MCMBP: variants seen among roughly 807,000 people sequenced by gnomAD.
The protein encoded by MCMBP is mini-chromosome maintenance complex-binding protein.
MCMBP carries 31 observed loss-of-function variants against 81.3 expected under a neutral mutation model. The ratio of observed to expected loss-of-function variants is 0.38; its 90% CI spans 0.29 to 0.51. The LOEUF (loss-of-function observed/expected upper bound fraction) is 0.51. MCMBP is among the 20% of genes least tolerant of loss of function. The pLI is 0.87. For missense variants in MCMBP, 645 were observed against 772.1 expected (o/e 0.84, Z 1.95); for synonymous variants, 267 against 275.9 (o/e 0.97, Z 0.32).
At chr10:119,859,271 C>T (rs1347079432) in intron 2 of MCMBP, 90 bp from the exon 3 acceptor site, 21 of 1,022,366 alleles carry the variant, frequency 2.1e-5, no homozygotes, top group East Asian at 1.0e-4. Context: ...CAGACTCAAA[C>T]TGTTACACAC....
chr10:119,872,381 T>C (rs373181637), intron 1 of MCMBP, 146 bp downstream of exon 1: 140 of 319,670 alleles, frequency 4.4e-4, no homozygotes, highest in African/African-American at 3.0e-3. Flanking sequence ...CTGTCCCAGC[T>C]GGGGCCGGTG....
rs2134328032 is a variant in MCMBP, at chr10:119,831,398, GT to G, written c.*75del. On this transcript the variant is annotated 3_prime_UTR_variant, in exon 16 of 16. Transcript: ENST00000369077. Reference sequence around the variant, plus strand: ...TGATAGAAATTACCTATAAAACAATGTGGTATAAATGAATATCTGAATTTTA... The same window carrying G: ...TGATAGAAATTACCTATAAAACAATGGGTATAAATGAATATCTGAATTTTA... 4 of 1,544,510 alleles carry G rather than the reference GT, an allele frequency of 2.6e-6. No individual in the cohort carries two copies. In the South Asian group the frequency reaches 4.7e-5, roughly 18 times the overall value.
chr10:119,871,195 G>A (rs1853657852), intron 1 of MCMBP, among the ~76,000 whole-genome samples: 1 of 152,128 alleles, frequency 6.6e-6, no homozygotes, highest in African/African-American at 2.4e-5. Flanking sequence ...TTAAACCAAT[G>A]CTACAATTGA....
chr10:119,858,521 T>C (rs1853132141), intron 4 of MCMBP, among the ~76,000 whole-genome samples: 1 of 149,426 alleles, frequency 6.7e-6, no homozygotes, highest in South Asian at 2.2e-4. Context: ...AATTTCTGTA[T>C]TATAGGCTGA....
intron 3 of MCMBP, 57 bp from the exon 4 acceptor site, chr10:119,858,982 C>T: frequency 6.2e-7 from 1 of 1,610,090 alleles, no homozygotes; most frequent in Non-Finnish European, 8.5e-7. Flanking sequence ...ACCAAAACTA[C>T]CACCAACAGT....
chr10:119,843,519 A>T, intron 8 of MCMBP, 93 bp from the exon 9 acceptor site: 1 of 1,241,632 alleles, frequency 8.1e-7, no homozygotes, highest in East Asian at 2.6e-5. Context: ...TTAGAGTTAA[A>T]GCCAAGAATA....
chr10:119,843,787 G>A (rs1449364213), intron 8 of MCMBP, among the ~76,000 whole-genome samples: 1 of 151,986 alleles, frequency 6.6e-6, no homozygotes, highest in Admixed American at 6.6e-5. Context: ...TCAGCCTCCT[G>A]AGTAGCTGAG....
chr10:119,843,160 G>T, intron 9 of MCMBP, 94 bp downstream of exon 9: 1 of 1,355,782 alleles, frequency 7.4e-7, no homozygotes, highest in Non-Finnish European at 1.1e-6. Context: ...ATGAAGACCT[G>T]ACTCTCAATT....
At chr10:119,853,839 C>T (rs1414477176) in intron 5 of MCMBP, among the ~76,000 whole-genome samples, 1 of 152,076 alleles carries the variant, frequency 6.6e-6, no homozygotes, top group Non-Finnish European at 1.5e-5. Flanking sequence ...TTGGGTAAGA[C>T]CCAGAAATAG....
chr10:119,832,615 C>T (rs775953219), intron 14 of MCMBP, among the ~76,000 whole-genome samples: 12 of 152,106 alleles, frequency 7.9e-5, no homozygotes, highest in Admixed American at 1.3e-4. Context: ...TGGCAGCCAC[C>T]GGAGAGAGAA....
chr10:119,839,300 C>G (rs536873006), intron 11 of MCMBP, among the ~76,000 whole-genome samples: 8 of 152,296 alleles, frequency 5.3e-5, no homozygotes, highest in African/African-American at 1.9e-4. Flanking sequence ...TCTTGAGCCA[C>G]CATTCCCAAC....
At chr10:119,872,497 CCCGG>C (rs1157651733) in intron 1 of MCMBP, 26 bp downstream of exon 1, 3 of 1,174,502 alleles carry the variant, frequency 2.6e-6, no homozygotes, top group African/African-American at 1.6e-5. Context: ...CGGCTGCCCG[CCCGG>C]CCCGCCCCCC....
intron 1 of MCMBP, among the ~76,000 whole-genome samples, chr10:119,864,098 T>C (rs1029682160): frequency 6.6e-6 from 1 of 152,034 alleles, no homozygotes; most frequent in African/African-American, 2.4e-5. Context: ...GAGTAAGATG[T>C]GAGAACAACT....
At position 119,859,036 on chromosome 10, in the gene MCMBP, C is replaced by CTTA. The variant is rs1853150092; in HGVS notation, c.285+2_285+4dup. On this transcript the variant is annotated splice_donor_region_variant and intron_variant, in intron 3 of 15. Coordinates refer to ENST00000369077, the MANE Select transcript of MCMBP (RefSeq NM_001256378.2). The stretch of plus-strand genomic sequence containing the variant: ...CCACAAATTCATGAAAACAGCAATA[C>CTTA]TTACATGTGCTTTTGTGTTTTGGTT... The CTTA allele has an allele frequency of 6.2e-7, 1 of 1,613,260 alleles. No individual in the cohort carries two copies. The highest frequency in any genetic ancestry group is 1.7e-5 in the Admixed American group (1 of 59,880).
At chr10:119,861,119 G>C (rs1853241218) in intron 1 of MCMBP, among the ~76,000 whole-genome samples, 1 of 152,182 alleles carries the variant, frequency 6.6e-6, no homozygotes, top group South Asian at 2.1e-4. Flanking sequence ...CAAGTGTTAT[G>C]AAGATTTGGA....
intron 4 of MCMBP, 108 bp from the exon 5 acceptor site, chr10:119,857,547 TAC>T (rs996562215): frequency 3.5e-6 from 2 of 578,134 alleles, no homozygotes; most frequent in African/African-American, 1.9e-5. Flanking sequence ...GCAAATATTT[TAC>T]AGATTAATTA....
chr10:119,839,435 C>T (rs972059791), intron 11 of MCMBP, among the ~76,000 whole-genome samples: 3 of 152,012 alleles, frequency 2.0e-5, no homozygotes, highest in South Asian at 2.1e-4. Flanking sequence ...AGATATATTG[C>T]GAAAATTTAG....
chr10:119,836,046 C>A (rs1433682495), intron 13 of MCMBP, among the ~76,000 whole-genome samples: 1 of 152,162 alleles, frequency 6.6e-6, no homozygotes, highest in Non-Finnish European at 1.5e-5. Flanking sequence ...GTTGTCCAGG[C>A]TGGCCTCAAA....
intron 14 of MCMBP, among the ~76,000 whole-genome samples, chr10:119,832,546 CCT>C (rs1852086583): frequency 6.6e-6 from 1 of 152,120 alleles, no homozygotes; most frequent in Admixed American, 6.5e-5. Context: ...ATGTCCTACT[CCT>C]AAATTCCAAC....
Sources: allele counts gnomAD v4.1 joint callset (sites outside exome capture counted in the v4.1 genomes callset), GRCh38; gene constraint gnomAD v4.1.1; transcripts MANE v1.5; gene names NCBI Gene and HGNC (gene_info 2026-07-23, HGNC 2026-07-21).